Variants in FKBP3 observed in about 807,000 individuals in gnomAD.
The protein encoded by FKBP3 is peptidyl-prolyl cis-trans isomerase FKBP3.
A neutral mutation model predicts 30.6 loss-of-function variants in FKBP3; 21 were observed. The ratio of observed to expected loss-of-function variants is 0.69; its 90% confidence interval spans 0.49 to 0.99. The LOEUF (loss-of-function observed/expected upper bound fraction) is 0.99. FKBP3 is among the 50% of genes least tolerant of loss of function. The probability of loss-of-function intolerance (pLI) is 0.00; values close to 1 mark genes in which losing one functional copy is unlikely to be tolerated. For missense variants in FKBP3, 283 were observed against 261.6 expected, an observed-to-expected ratio of 1.08 and a Z score of -0.56; for synonymous variants, 82 against 91.3, an observed-to-expected ratio of 0.90 and a Z score of 0.58.
chr14:45,129,714 G>T lies in FKBP3; in HGVS notation c.318+80C>A, dbSNP rs1400134975. On this transcript the variant is annotated intron_variant, in intron 3 of 6. Coordinates refer to ENST00000396062, the MANE Select transcript of FKBP3 (RefSeq NM_002013.4). ...CGTATTCAACCACCCTTCACTATGA[G>T]AAGTTAGTGCAAATAATAAAGAAAT... 5.9e-6 allele frequency: 5 copies of T among 850,964 alleles called. No individual in the cohort carries two copies. The Admixed American group carries it at 1.5e-4, about 26-fold the overall frequency. 52.7% of individuals were successfully genotyped at this position (850,964 alleles called of 1,614,324 possible).
intron 4 of FKBP3, among the ~76,000 whole-genome samples, chr14:45,121,171 G>T (rs926494408): frequency 2.0e-5 from 3 of 152,150 alleles, no homozygotes; most frequent in Admixed American, 2.0e-4. Flanking sequence ...GGGTAGAGGG[G>T]TAGGACCTAT....
intron 2 of FKBP3, 33 bp downstream of exon 2, chr14:45,130,666 G>A: frequency 1.6e-6 from 2 of 1,247,134 alleles, no homozygotes; most frequent in African/African-American, 3.1e-5. Flanking sequence ...TTTCAAAAGT[G>A]ATGTTCTGCT....
At chr14:45,125,179 G>A (rs1473560259) in intron 3 of FKBP3, among the ~76,000 whole-genome samples, 6 of 152,256 alleles carry the variant, frequency 3.9e-5, no homozygotes, top group African/African-American at 1.4e-4. Context: ...GCCTCCCAAA[G>A]TGTTGGGATT....
Position 45,129,820 on chromosome 14 carries a change from T to G in FKBP3, c.292A>C (p.Thr98Pro). Reference sequence around the variant, plus strand: ...TCATCCAGGGTCTCTTCAGACTTGGTTTCTTTGGGTTTATCTTCATTAAGC... The same window carrying G: ...TCATCCAGGGTCTCTTCAGACTTGGGTTCTTTGGGTTTATCTTCATTAAGC... ...VKLNEDKPKETKSEETLDEGP... is the reference protein window; with the variant it reads ...VKLNEDKPKEPKSEETLDEGP... The change falls in exon 3 of 7, where the codon ACC becomes CCC. Residue 98 changes from threonine to proline, a missense_variant. Thr to Pro is a conservative substitution (Grantham distance 38, BLOSUM62 -1). Coordinates refer to ENST00000396062, the MANE Select transcript of FKBP3 (RefSeq NM_002013.4). The G allele has an allele frequency of 6.2e-7, 1 of 1,612,232 alleles. No individual in the cohort carries two copies. The highest frequency in any genetic ancestry group is 1.1e-5 in the South Asian group (1 of 90,922).
intron 3 of FKBP3, among the ~76,000 whole-genome samples, chr14:45,125,920 G>A (rs1369055839): frequency 6.6e-6 from 1 of 150,672 alleles, no homozygotes; most frequent in South Asian, 2.1e-4. Flanking sequence ...TTTTTTTTGA[G>A]ACAAGGTCTT....
At chr14:45,129,483 A>C (rs1315006046) in intron 3 of FKBP3, among the ~76,000 whole-genome samples, 1 of 152,232 alleles carries the variant, frequency 6.6e-6, no homozygotes, top group Non-Finnish European at 1.5e-5. Flanking sequence ...ACTTAGTCCA[A>C]CTTGGCTATA....
intron 6 of FKBP3, 109 bp from the exon 7 acceptor site, chr14:45,116,361 G>A: frequency 1.4e-6 from 1 of 735,398 alleles, no homozygotes; most frequent in Non-Finnish European, 2.4e-6. Flanking sequence ...ATTGAGCTTG[G>A]ACTAGGATCC....
chr14:45,125,886 G>A (rs1487242185), intron 3 of FKBP3, among the ~76,000 whole-genome samples: 1 of 151,818 alleles, frequency 6.6e-6, no homozygotes, highest in Non-Finnish European at 1.5e-5. Flanking sequence ...GCAGACATTT[G>A]TGGTCAAAGA....
In FKBP3 at chr14:45,122,516, T is replaced by C. The variant is rs1885007575; in HGVS notation, c.319-896A>G. 2.6e-5 allele frequency among the ~76,000 whole-genome samples: 4 copies of C among 152,178 alleles called. No individual in the cohort carries two copies. In the South Asian group the frequency reaches 8.3e-4, roughly 31 times the overall value. The stretch of plus-strand genomic sequence containing the variant: ...TTATTCCTGACCTATTTCTTTTTTT[T>C]TCTGAGATGGAGTCTCACTCTGTCG... On this transcript the variant is annotated intron_variant, in intron 3 of 6. Coordinates refer to ENST00000396062, the MANE Select transcript of FKBP3 (RefSeq NM_002013.4).
Position 45,127,012 on chromosome 14 carries a change from C to T in FKBP3, c.318+2782G>A, listed in dbSNP as rs549897213. Among the ~76,000 whole-genome samples the T allele has an allele frequency of 9.2e-5, 14 of 151,990 alleles. No individual in the cohort carries two copies. In the South Asian group the frequency reaches 2.3e-3, roughly 25 times the overall value. ...TGTATTTTTAGTAGAGACGGGGTTT[C>T]ACCATGTTGGTCTCAAACTCCTGAC... On this transcript the variant is annotated intron_variant, in intron 3 of 6. Coordinates refer to ENST00000396062, the MANE Select transcript of FKBP3 (RefSeq NM_002013.4).
chr14:45,118,121 T>C lies in FKBP3; in HGVS notation c.527A>G (p.Asp176Gly). The C allele has an allele frequency of 6.3e-7, 1 of 1,592,022 alleles. No homozygotes were observed. The highest frequency in any genetic ancestry group is 8.5e-7 in the Non-Finnish European group (1 of 1,172,504). Reference sequence around the variant, plus strand: ...TTTACTCATAGTCAAGAGAGCTTCATCCCACTAAAGGCAAGAACAAAATAA... The same window carrying C: ...TTTACTCATAGTCAAGAGAGCTTCACCCCACTAAAGGCAAGAACAAAATAA... Reference protein sequence around the residue: ...VGVGKVIRGWDEALLTMSKGE... With the variant: ...VGVGKVIRGWGEALLTMSKGE... Residue 176 changes from aspartate (D) to glycine (G), a missense_variant, in exon 6 of 7, where the codon GAT becomes GGT. By Grantham distance (94) the Asp-to-Gly change is moderately conservative. Coordinates refer to ENST00000396062, the MANE Select transcript of FKBP3 (RefSeq NM_002013.4).
At chr14:45,121,145 T>C (rs1185736272) in intron 4 of FKBP3, among the ~76,000 whole-genome samples, 191 bp from the exon 5 acceptor site, 1 of 152,178 alleles carries the variant, frequency 6.6e-6, no homozygotes, top group African/African-American at 2.4e-5. Context: ...GTAAAAATAA[T>C]TACATTCTTA....
intron 3 of FKBP3, among the ~76,000 whole-genome samples, chr14:45,128,586 CAG>C (rs1461046221): frequency 4.6e-5 from 7 of 152,224 alleles, no homozygotes; most frequent in African/African-American, 1.7e-4. Flanking sequence ...AGCATGAAGA[CAG>C]AGAGTAGACA....
chr14:45,123,386 T>C (rs1302355030), intron 3 of FKBP3, among the ~76,000 whole-genome samples: 1 of 151,666 alleles, frequency 6.6e-6, no homozygotes, highest in East Asian at 2.0e-4. Context: ...CCTTAAAGTG[T>C]CCGCCTAAGA....
chr14:45,129,678 T>A, intron 3 of FKBP3, 116 bp downstream of exon 3: 2 of 586,018 alleles, frequency 3.4e-6, no homozygotes, highest in Non-Finnish European at 5.7e-6. Context: ...GTTTGGCTCA[T>A]TGAAAGTGGT....
intron 5 of FKBP3, among the ~76,000 whole-genome samples, chr14:45,119,493 C>G (rs1002564047): frequency 6.6e-6 from 1 of 151,754 alleles, no homozygotes. Context: ...CGCTTGAACT[C>G]AGGAGACAGA....
Position 45,131,628 on chromosome 14 carries a change from C to CAAAAAAAA in FKBP3, c.109-836_109-829dup, listed in dbSNP as rs536298530. On this transcript the variant is annotated intron_variant, in intron 1 of 6. Coordinates refer to ENST00000396062, the MANE Select transcript of FKBP3 (RefSeq NM_002013.4). ...TAGGTGACAGAGCAAGACTCTGTCT[C>CAAAAAAAA]AAAAAAAAAAAAAAAAAAAAAAAAA... 1.3e-3 allele frequency among the ~76,000 whole-genome samples: 51 copies of CAAAAAAAA among 39,456 alleles called. 4 individuals carry two copies. The highest frequency in any genetic ancestry group is 4.3e-3 in the African/African-American group (50 of 11,552). The allele number at this position is 39,456 out of a possible 152,430, so 25.9% of individuals were successfully genotyped here. A position where few individuals can be genotyped will look rare whatever the true frequency, so the allele number is the denominator to read the frequency against.
intron 1 of FKBP3, 73 bp from the exon 2 acceptor site, chr14:45,130,873 C>T: frequency 3.7e-6 from 3 of 801,940 alleles, no homozygotes; most frequent in East Asian, 5.3e-5. Flanking sequence ...GAAAACGATC[C>T]TTTTATGTTA....
chr14:45,119,676 C>T (rs112841536), intron 5 of FKBP3, among the ~76,000 whole-genome samples: 5 of 151,602 alleles, frequency 3.3e-5, no homozygotes, highest in African/African-American at 9.7e-5. Flanking sequence ...CAACTTGGTA[C>T]GGGCAGGTAA....
Sources: gnomAD v4.1 joint callset for allele counts (sites outside exome capture counted in the v4.1 genomes callset) on GRCh38, gnomAD v4.1.1 for gene constraint, MANE v1.5 for transcripts, NCBI Gene and HGNC (gene_info 2026-07-23, HGNC 2026-07-21) for gene names.